Variants in NCOA1 observed in about 807,000 individuals in gnomAD.
NCOA1 encodes nuclear receptor coactivator 1, also known as Hin-2 protein.
A neutral mutation model predicts 150.9 loss-of-function variants in NCOA1; 35 were observed. The observed-to-expected ratio is 0.23, with a 90% CI of 0.18 to 0.31. The LOEUF is 0.31. Ranked by LOEUF, NCOA1 falls within the 10% of genes least tolerant of loss-of-function variation. NCOA1 has a pLI of 1.00. For missense variants in NCOA1, 1,491 were observed against 1,749.3 expected (o/e 0.85, Z 2.63); for synonymous variants, 590 against 630.0 (o/e 0.94, Z 0.95).
At chr2:24,714,499 CA>C (rs149827593) in intron 14 of NCOA1, among the ~76,000 whole-genome samples, 4 of 147,658 alleles carry the variant, frequency 2.7e-5, no homozygotes, top group African/African-American at 5.0e-5. Flanking sequence ...ATATAAACTA[CA>C]AAAAAAAAGA....
chr2:24,523,297 G>C (rs894659323), intron 1 of NCOA1, among the ~76,000 whole-genome samples: 8 of 152,116 alleles, frequency 5.3e-5, no homozygotes, highest in African/African-American at 1.9e-4. Context: ...CATACATCAT[G>C]GGTACCATTG....
intron 4 of NCOA1, among the ~76,000 whole-genome samples, chr2:24,656,320 TTTTTGC>T (rs991929500): frequency 3.9e-5 from 6 of 152,088 alleles, no homozygotes; most frequent in African/African-American, 1.4e-4. Context: ...TTTTGTTTTG[TTTTTGC>T]TTTTATTATT....
At chr2:24,599,888 G>A (rs572537186) in intron 3 of NCOA1, among the ~76,000 whole-genome samples, 1 of 151,900 alleles carries the variant, frequency 6.6e-6, no homozygotes, top group South Asian at 2.1e-4. Context: ...CCGCCACCAC[G>A]TCCGGCAAAT....
intron 21 of NCOA1, among the ~76,000 whole-genome samples, chr2:24,758,827 A>G (rs1558345157): frequency 1.3e-5 from 2 of 151,472 alleles, no homozygotes; most frequent in Non-Finnish European, 2.9e-5. Context: ...CTAAAAAAAA[A>G]ACAAACAAAA....
Position 24,583,609 on chromosome 2 carries a change from C to T in NCOA1, c.-259-867C>T, listed in dbSNP as rs868417348. Among the ~76,000 whole-genome samples the T allele has an allele frequency of 1.1e-3, 160 of 152,182 alleles. 2 individuals carry two copies. Among genetic ancestry groups the T allele is most frequent in the Middle Eastern group, 3.4e-3 (1 of 294 alleles). On this transcript the variant is annotated intron_variant, in intron 2 of 22. Transcript: ENST00000348332. Reference sequence around the variant, plus strand: ...ATCTATATTCCCATATTTATTGCAGCATATCACAGTAACCAAGATACGGAA... The same window carrying T: ...ATCTATATTCCCATATTTATTGCAGTATATCACAGTAACCAAGATACGGAA...
At chr2:24,738,091 T>C (rs1378150296) in intron 17 of NCOA1, among the ~76,000 whole-genome samples, 1 of 152,114 alleles carries the variant, frequency 6.6e-6, no homozygotes, top group East Asian at 1.9e-4. Context: ...TTAACATTTA[T>C]ATTATAATGA....
intron 1 of NCOA1, among the ~76,000 whole-genome samples, chr2:24,525,488 G>T (rs1664614535): frequency 6.6e-6 from 1 of 151,800 alleles, no homozygotes; most frequent in African/African-American, 2.4e-5. Context: ...ACTTCTACTT[G>T]ATTATCTTTA....
intron 21 of NCOA1, among the ~76,000 whole-genome samples, chr2:24,760,404 G>A (rs555956288): frequency 4.8e-5 from 7 of 145,982 alleles, no homozygotes; most frequent in South Asian, 2.2e-4. Flanking sequence ...TGTTCTGCCC[G>A]CCTCGGCCTC....
At chr2:24,749,862 C>G (rs569713206) in intron 19 of NCOA1, among the ~76,000 whole-genome samples, 1 of 152,190 alleles carries the variant, frequency 6.6e-6, no homozygotes, top group East Asian at 1.9e-4. Context: ...AGAAATTACA[C>G]AGGTGATAGA....
At chr2:24,586,527 C>T (rs1667420124) in intron 3 of NCOA1, among the ~76,000 whole-genome samples, 1 of 152,166 alleles carries the variant, frequency 6.6e-6, no homozygotes, top group South Asian at 2.1e-4. Flanking sequence ...GCTGGGACCG[C>T]AGGTGCACAG....
Position 24,768,463 on chromosome 2 carries a change from G to A in NCOA1, c.*72G>A. 1.1e-6 allele frequency: 1 copy of A among 876,724 alleles called. No homozygotes were observed. Among genetic ancestry groups the A allele is most frequent in the African/African-American group, 2.0e-5 (1 of 50,144 alleles). 54.3% of individuals were successfully genotyped at this position (876,724 alleles called of 1,614,324 possible). A position where few individuals can be genotyped will look rare whatever the true frequency, so the allele number is the denominator to read the frequency against. On this transcript the variant is annotated 3_prime_UTR_variant, in exon 23 of 23. Coordinates refer to ENST00000348332, the MANE Select transcript of NCOA1 (RefSeq NM_003743.5). ...ATACAAATATATTATATATTTTTCT[G>A]AGATTTTTGATATCTCAATCTGCAG...
At chr2:24,622,977 A>G (rs994257839) in intron 3 of NCOA1, among the ~76,000 whole-genome samples, 10 of 152,212 alleles carry the variant, frequency 6.6e-5, no homozygotes, top group African/African-American at 1.9e-4. Flanking sequence ...GGACACATGT[A>G]CATATGTTCA....
At chr2:24,656,856 C>T (rs539359544) in intron 4 of NCOA1, among the ~76,000 whole-genome samples, 4 of 152,266 alleles carry the variant, frequency 2.6e-5, no homozygotes, top group Admixed American at 2.6e-4. Context: ...TTTCTTTACC[C>T]ATATATCTGT....
At chr2:24,677,690 C>T (rs1230614117) in intron 7 of NCOA1, among the ~76,000 whole-genome samples, 2 of 152,158 alleles carry the variant, frequency 1.3e-5, no homozygotes, top group East Asian at 3.9e-4. Flanking sequence ...TCCCAAAGTG[C>T]TGGGATTACA....
chr2:24,576,292 G>A (rs527296929), intron 2 of NCOA1, among the ~76,000 whole-genome samples: 1 of 150,856 alleles, frequency 6.6e-6, no homozygotes, highest in Non-Finnish European at 1.5e-5. Context: ...TGTCTCCAAG[G>A]CACTGTCTCT....
intron 1 of NCOA1, among the ~76,000 whole-genome samples, chr2:24,499,683 G>A (rs1322997755): frequency 6.6e-6 from 1 of 152,194 alleles, no homozygotes; most frequent in African/African-American, 2.4e-5. Context: ...GGTCATACAA[G>A]TTGGAAGCCC....
intron 19 of NCOA1, among the ~76,000 whole-genome samples, chr2:24,744,317 G>C (rs1040839663): frequency 6.6e-6 from 1 of 152,230 alleles, no homozygotes; most frequent in Non-Finnish European, 1.5e-5. Flanking sequence ...CAAATGCTGA[G>C]TGCATTGAAG....
intron 1 of NCOA1, among the ~76,000 whole-genome samples, chr2:24,500,810 G>A (rs1453621542): frequency 6.6e-6 from 1 of 152,152 alleles, no homozygotes; most frequent in Non-Finnish European, 1.5e-5. Flanking sequence ...AATAGGGTAA[G>A]TTCTTAACAG....
intron 1 of NCOA1, among the ~76,000 whole-genome samples, chr2:24,540,986 G>T (rs979115694): frequency 6.6e-6 from 1 of 152,178 alleles, no homozygotes; most frequent in African/African-American, 2.4e-5. Context: ...AAAGCATTTT[G>T]GGGATGAGAG....
Sources: gnomAD v4.1 joint callset for allele counts (sites outside exome capture counted in the v4.1 genomes callset) on GRCh38, gnomAD v4.1.1 for gene constraint, MANE v1.5 for transcripts, NCBI Gene and HGNC (gene_info 2026-07-23, HGNC 2026-07-21) for gene names.